The following FAM76A variants were observed in gnomAD, a reference collection of about 807,000 sequenced individuals.
FAM76A encodes protein FAM76A.
Under a neutral mutation model 46.2 loss-of-function variants are expected in FAM76A, and 32 were observed. The ratio of observed to expected loss-of-function variants is 0.69; its 90% CI spans 0.52 to 0.93. The LOEUF (loss-of-function observed/expected upper bound fraction) is 0.93. FAM76A is among the 40% of genes least tolerant of loss of function. The pLI is 0.00. For missense variants in FAM76A, 274 were observed against 361.5 expected (o/e 0.76, Z 1.96); for synonymous variants, 137 against 127.0 (o/e 1.08, Z -0.53).
At chr1:27,734,258 A>G in intron 4 of FAM76A, 75 bp downstream of exon 4, 1 of 1,468,480 alleles carries the variant, frequency 6.8e-7, no homozygotes, top group Non-Finnish European at 9.1e-7. Flanking sequence ...TTAAAAACAC[A>G]TTTAATAGGC....
chr1:27,757,793 G>A (rs2088437806), intron 7 of FAM76A, among the ~76,000 whole-genome samples: 2 of 152,110 alleles, frequency 1.3e-5, no homozygotes, highest in African/African-American at 2.4e-5. Flanking sequence ...TGGCTAACAC[G>A]GTGAAACCCT....
At chr1:27,732,782 T>C in intron 3 of FAM76A, 125 bp downstream of exon 3, 2 of 610,948 alleles carry the variant, frequency 3.3e-6, no homozygotes, top group Non-Finnish European at 2.7e-6. Context: ...ATATATCTGA[T>C]ACTGATTTCA....
At position 27,760,860 on chromosome 1, in the gene FAM76A, C is replaced by CTTTTTTTTTT. The variant is rs1334464233; in HGVS notation, c.*288_*289insTTTTTTTTTT. On this transcript the variant is annotated 3_prime_UTR_variant, in exon 9 of 9. Transcript: ENST00000373954. ...CTCTTCTCTCTATTTTGGTTCTATTCTTTTTTTTTCTTTTTTCTTTTTTTT... is the reference window on the plus strand; with the variant it reads ...CTCTTCTCTCTATTTTGGTTCTATTCTTTTTTTTTTTTTTTTTTTCTTTTTTCTTTTTTTT... 1 of 41,124 alleles carries CTTTTTTTTTT rather than the reference C, an allele frequency of 2.4e-5. No homozygotes were observed. Among genetic ancestry groups the CTTTTTTTTTT allele is most frequent in the Non-Finnish European group, 5.5e-5 (1 of 18,334 alleles). The allele number at this position is 41,124 out of a possible 1,614,324, so 2.5% of individuals were successfully genotyped here.
intron 5 of FAM76A, among the ~76,000 whole-genome samples, chr1:27,746,235 C>T (rs780916920): frequency 3.3e-5 from 5 of 152,016 alleles, no homozygotes; most frequent in Non-Finnish European, 7.4e-5. Flanking sequence ...GACACATGGG[C>T]AAGAGCTGAG....
chr1:27,730,848 C>T (rs181123166), intron 2 of FAM76A, among the ~76,000 whole-genome samples: 2 of 152,182 alleles, frequency 1.3e-5, no homozygotes, highest in Admixed American at 1.3e-4. Flanking sequence ...CAGGGTCTCA[C>T]TCTGTCACTC....
chr1:27,731,772 T>C (rs1313885097), intron 2 of FAM76A, among the ~76,000 whole-genome samples: 10 of 152,178 alleles, frequency 6.6e-5, no homozygotes, highest in Non-Finnish European at 1.3e-4. Flanking sequence ...TATTTAGTGA[T>C]ACTTGGGGAT....
chr1:27,739,230 C>T (rs927166630), intron 4 of FAM76A: 1 of 493,328 alleles, frequency 2.0e-6, no homozygotes, highest in African/African-American at 2.0e-5. Context: ...CATGCTGAAC[C>T]AGGGGCTGAA....
chr1:27,726,414 G>C (rs1001015168), intron 1 of FAM76A, among the ~76,000 whole-genome samples: 1 of 152,154 alleles, frequency 6.6e-6, no homozygotes, highest in Non-Finnish European at 1.5e-5. Flanking sequence ...GTGAGGTCGG[G>C]GGAGGGACAG....
intron 2 of FAM76A, among the ~76,000 whole-genome samples, chr1:27,731,093 G>A (rs1189201248): frequency 3.3e-5 from 5 of 151,850 alleles, no homozygotes; most frequent in Non-Finnish European, 5.9e-5. Flanking sequence ...TTTTTCCCCC[G>A]GGCAGCTTTA....
rs139663653 is a variant in FAM76A at position 27,751,630 on chromosome 1, A to AAGT, written c.599+2479_599+2481dup. Among the ~76,000 whole-genome samples, 479 of 150,724 alleles carry AAGT rather than the reference A, an allele frequency of 3.2e-3. 4 individuals carry two copies. Among genetic ancestry groups the AAGT allele is most frequent in the African/African-American group, 0.011 (457 of 40,966 alleles). On this transcript the variant is annotated intron_variant, in intron 6 of 8. Coordinates refer to ENST00000373954, the MANE Select transcript of FAM76A (RefSeq NM_152660.3). ...GGTGATCCTTCCACCTAAGCCTCCCAAGTAGCTGGGACTATAGACATGCAC... is the reference window on the plus strand; with the variant it reads ...GGTGATCCTTCCACCTAAGCCTCCCAAGTAGTAGCTGGGACTATAGACATGCAC...
chr1:27,732,726 A>C, intron 3 of FAM76A, 69 bp downstream of exon 3: 1 of 1,148,230 alleles, frequency 8.7e-7, no homozygotes, highest in Admixed American at 2.0e-5. Flanking sequence ...TCTGTGGCCT[A>C]CTAATGCCAT....
At chr1:27,727,383 T>C (rs1353289829) in intron 1 of FAM76A, 89 bp from the exon 2 acceptor site, 3 of 1,012,134 alleles carry the variant, frequency 3.0e-6, no homozygotes, top group Non-Finnish European at 4.6e-6. Context: ...ATAGTAGCTA[T>C]GCTAGAAATA....
chr1:27,752,183 C>G (rs1370824864), intron 6 of FAM76A, among the ~76,000 whole-genome samples: 2 of 152,194 alleles, frequency 1.3e-5, no homozygotes, highest in Admixed American at 1.3e-4. Flanking sequence ...TTCTATACTA[C>G]TACATTCTCT....
chr1:27,758,269 T>G (rs2088448743), intron 7 of FAM76A, among the ~76,000 whole-genome samples: 1 of 152,216 alleles, frequency 6.6e-6, no homozygotes, highest in Non-Finnish European at 1.5e-5. Flanking sequence ...CTGGAAGTCT[T>G]TCTGACTCTA....
chr1:27,729,762 T>G (rs2087923987), intron 2 of FAM76A, among the ~76,000 whole-genome samples: 1 of 152,110 alleles, frequency 6.6e-6, no homozygotes, highest in Non-Finnish European at 1.5e-5. Flanking sequence ...GCAGCTCTTT[T>G]TGTGTGTGTG....
At chr1:27,747,134 T>A (rs1275558916) in intron 5 of FAM76A, among the ~76,000 whole-genome samples, 2 of 152,250 alleles carry the variant, frequency 1.3e-5, no homozygotes, top group African/African-American at 4.8e-5. Flanking sequence ...AGAATTTAAT[T>A]CAGTAGGACC....
intron 6 of FAM76A, among the ~76,000 whole-genome samples, chr1:27,753,975 C>G (rs1450429098): frequency 6.6e-6 from 1 of 152,058 alleles, no homozygotes; most frequent in Non-Finnish European, 1.5e-5. Flanking sequence ...TGCTTTGAGT[C>G]TGAGGCACTT....
intron 6 of FAM76A, among the ~76,000 whole-genome samples, chr1:27,751,698 C>T (rs1443006640): frequency 2.0e-5 from 3 of 151,806 alleles, no homozygotes; most frequent in African/African-American, 2.4e-5. Context: ...AATAGGGTTT[C>T]ACTATGTTAC....
intron 1 of FAM76A, 83 bp from the exon 2 acceptor site, chr1:27,727,389 A>G (rs1163336625): frequency 4.6e-5 from 51 of 1,112,284 alleles, no homozygotes; most frequent in Non-Finnish European, 6.9e-5. Context: ...GCTATGCTAG[A>G]AATAGTACCC....
Sources: allele counts gnomAD v4.1 joint callset (sites outside exome capture counted in the v4.1 genomes callset), GRCh38; gene constraint gnomAD v4.1.1; transcripts MANE v1.5; gene names NCBI Gene and HGNC (gene_info 2026-07-23, HGNC 2026-07-21).